RIOK1: variants seen among roughly 807,000 people sequenced by gnomAD.
The protein encoded by RIOK1 is RIO kinase 1.
A neutral mutation model predicts 73.5 loss-of-function variants in RIOK1; 66 were observed. That is an observed-to-expected ratio of 0.90 (90% CI 0.74 to 1.10). The LOEUF (loss-of-function observed/expected upper bound fraction) is 1.10, where lower values mean the gene tolerates loss of function less well. Ranked by LOEUF, RIOK1 falls within the 50% of genes least tolerant of loss-of-function variation. The pLI is 0.00. For synonymous variants in RIOK1, 224 were observed against 226.8 expected (o/e 0.99, Z 0.11); for missense variants, 658 against 699.8 (o/e 0.94, Z 0.67).
intron 12 of RIOK1, among the ~76,000 whole-genome samples, chr6:7,407,211 A>G (rs1761767733): frequency 6.6e-6 from 1 of 152,206 alleles, no homozygotes; most frequent in Non-Finnish European, 1.5e-5. Flanking sequence ...GGAACCCACC[A>G]TACTGTTTAC....
intron 1 of RIOK1, among the ~76,000 whole-genome samples, chr6:7,390,336 G>A (rs1761297965): frequency 2.6e-5 from 4 of 152,206 alleles, no homozygotes; most frequent in Admixed American, 2.6e-4. Flanking sequence ...TGGGGATAGC[G>A]ATTAGGAAAC....
chr6:7,415,659 G>A (rs959843277), intron 16 of RIOK1, among the ~76,000 whole-genome samples: 1 of 152,220 alleles, frequency 6.6e-6, no homozygotes, highest in African/African-American at 2.4e-5. Context: ...GAGCCTATAC[G>A]AAGGTTTCAA....
In RIOK1 at chr6:7,402,743, G is replaced by C. The variant is rs771561551; in HGVS notation, c.686+28G>C. The C allele has an allele frequency of 1.1e-5, 17 of 1,605,012 alleles. No homozygotes were observed. The South Asian group carries it at 1.9e-4, about 18-fold the overall frequency. On this transcript the variant is annotated intron_variant, in intron 7 of 16. Transcript: ENST00000379834. ...AAGTTCAGATTTTTCCCTCCAGTTG[G>C]TTTAATTTCTATTTCCTAAAACATT...
chr6:7,404,070 A>G (rs760923113), intron 9 of RIOK1, 43 bp downstream of exon 9: 1 of 1,326,484 alleles, frequency 7.5e-7, no homozygotes, highest in East Asian at 2.3e-5. Context: ...TCAGAACTGT[A>G]TTTTTAAGTT....
intron 9 of RIOK1, among the ~76,000 whole-genome samples, 187 bp from the exon 10 acceptor site, chr6:7,404,231 G>C (rs1369900735): frequency 6.6e-6 from 1 of 152,030 alleles, no homozygotes; most frequent in Non-Finnish European, 1.5e-5. Context: ...TGTGTTGGAG[G>C]GTGGTCTTAT....
At chr6:7,396,881 A>G (rs1347967742) in intron 4 of RIOK1, 109 bp downstream of exon 4, 2 of 599,678 alleles carry the variant, frequency 3.3e-6, no homozygotes, top group East Asian at 3.1e-5. Flanking sequence ...ACTTAAACCA[A>G]TCATTATTTT....
intron 12 of RIOK1, 80 bp downstream of exon 12, chr6:7,405,435 AG>A: frequency 1.2e-6 from 1 of 840,476 alleles, no homozygotes; most frequent in South Asian, 1.6e-5. Flanking sequence ...TGGGACCAGA[AG>A]TGTTTTGGAT....
chr6:7,397,433 T>G (rs1258196864), intron 4 of RIOK1, among the ~76,000 whole-genome samples: 4 of 152,248 alleles, frequency 2.6e-5, no homozygotes, highest in Admixed American at 6.5e-5. Flanking sequence ...GAATTATTCT[T>G]TCCCATGAAG....
chr6:7,404,317 A>G, intron 9 of RIOK1, 101 bp from the exon 10 acceptor site: 1 of 1,340,364 alleles, frequency 7.5e-7, no homozygotes, highest in Non-Finnish European at 1.0e-6. Context: ...TCCCACATAC[A>G]GCTCACATGA....
At position 7,390,041 on chromosome 6, in the gene RIOK1, C is replaced by A. The variant is rs1366148178; in HGVS notation, c.39C>A (p.Pro13=). The change falls in exon 1 of 17, where the codon CCC becomes CCA. Residue 13 remains proline, a synonymous_variant. Coordinates refer to ENST00000379834, the MANE Select transcript of RIOK1 (RefSeq NM_031480.3). ...YRRLLMSRVV[P]GQFDDADSSD... ...GGCTTCTCATGAGCCGGGTGGTCCC[C>A]GGGCAATTCGACGACGCGGACTCCT... 1 of 1,558,940 alleles carries A rather than the reference C, an allele frequency of 6.4e-7. No homozygotes were observed. The highest frequency in any genetic ancestry group is 1.9e-5 in the Admixed American group (1 of 53,084).
chr6:7,417,396 G>C lies in RIOK1; in HGVS notation c.1662G>C (p.Val554=). Residue 554 remains valine (V), a synonymous_variant, in exon 17 of 17, where the codon GTG becomes GTC. Coordinates refer to ENST00000379834, the MANE Select transcript of RIOK1 (RefSeq NM_031480.3). ...EKRKNKIPKH[V]KKRKEKTAKT... is the part of the protein sequence containing the mutation. The stretch of plus-strand genomic sequence containing the variant: ...GAAAAAACAAAATTCCTAAACATGT[G>C]AAAAAAAGAAAGGAGAAGACAGCCA... 1 of 1,566,166 alleles carries C rather than the reference G, an allele frequency of 6.4e-7. No individual in the cohort carries two copies. The highest frequency in any genetic ancestry group is 8.7e-7 in the Non-Finnish European group (1 of 1,155,010).
At chr6:7,414,169 C>A in intron 15 of RIOK1, 69 bp from the exon 16 acceptor site, 1 of 1,429,580 alleles carries the variant, frequency 7.0e-7, no homozygotes, top group South Asian at 1.4e-5. Context: ...GGCATTAACA[C>A]ATTTAACAAC....
At position 7,402,970 on chromosome 6, in the gene RIOK1, C is replaced by G. The variant is rs981540495; in HGVS notation, c.767+73C>G. 5.7e-6 allele frequency: 8 copies of G among 1,392,974 alleles called. No individual in the cohort carries two copies. The African/African-American group carries it at 7.2e-5, about 13-fold the overall frequency. 86.3% of individuals were successfully genotyped at this position (1,392,974 alleles called of 1,614,324 possible). On this transcript the variant is annotated intron_variant, in intron 8 of 16. Coordinates refer to ENST00000379834, the MANE Select transcript of RIOK1 (RefSeq NM_031480.3). Reference sequence around the variant, plus strand: ...ACATCAGCCCTTCCTCCCAGCAGATCCCAGTGTGGTTCTGCCCAAATGTAG... The same window carrying G: ...ACATCAGCCCTTCCTCCCAGCAGATGCCAGTGTGGTTCTGCCCAAATGTAG...
intron 16 of RIOK1, among the ~76,000 whole-genome samples, chr6:7,415,741 C>G (rs899922888): frequency 6.6e-6 from 1 of 152,136 alleles, no homozygotes; most frequent in Non-Finnish European, 1.5e-5. Context: ...TACACAGATT[C>G]AGGAATAGGT....
At position 7,404,961 on chromosome 6, in the gene RIOK1, G is replaced by A. The variant is rs756349877; in HGVS notation, c.1036G>A (p.Val346Met). Residue 346 changes from valine (V) to methionine (M), a missense_variant, in exon 11 of 17, where the codon GTG (valine) becomes ATG (methionine). Physicochemically the swap from Val to Met is conservative, Grantham distance 21. Transcript: ENST00000379834. The part of the protein sequence containing the change: ...GVYIIDVSQS[V>M]EHDHPHALEF... The stretch of plus-strand genomic sequence containing the variant: ...GTATATCATTGACGTGTCTCAGTCC[G>A]TGGAGCACGACCACCCACATGCCTT... 8.1e-6 allele frequency: 13 copies of A among 1,614,030 alleles called. No homozygotes were observed. Among genetic ancestry groups the A allele is most frequent in the African/African-American group, 1.3e-5 (1 of 74,952 alleles).
At chr6:7,397,904 G>A (rs1446089540) in intron 4 of RIOK1, among the ~76,000 whole-genome samples, 2 of 152,212 alleles carry the variant, frequency 1.3e-5, no homozygotes, top group African/African-American at 4.8e-5. Flanking sequence ...CACTTTGGGA[G>A]GCAGAGGCGG....
rs1267658738 is a variant in RIOK1 at position 7,417,716 on chromosome 6, T to TC, written c.*276dup. On this transcript the variant is annotated 3_prime_UTR_variant, in exon 17 of 17. Transcript: ENST00000379834. ...GTACATTTTTATTTTTATATTTTTT[T>TC]CTCTTACAAATATGTTTTTGGAAGC... 9.8e-6 allele frequency: 2 copies of TC among 204,736 alleles called. No individual in the cohort carries two copies. The highest frequency in any genetic ancestry group is 4.6e-5 in the African/African-American group (2 of 43,252). 12.7% of individuals were successfully genotyped at this position (204,736 alleles called of 1,614,324 possible).
chr6:7,402,323 A>G (rs1267103257), intron 6 of RIOK1, among the ~76,000 whole-genome samples: 1 of 152,240 alleles, frequency 6.6e-6, no homozygotes, highest in African/African-American at 2.4e-5. Flanking sequence ...GTACAGTAAA[A>G]ATACCTGTTA....
At chr6:7,400,679 A>G (rs377607024) in intron 5 of RIOK1, among the ~76,000 whole-genome samples, 2 of 152,234 alleles carry the variant, frequency 1.3e-5, no homozygotes, top group East Asian at 1.9e-4. Context: ...TCTATTAGCT[A>G]ATAGCCTAGA....
Sources: allele counts gnomAD v4.1 joint callset (sites outside exome capture counted in the v4.1 genomes callset), GRCh38; gene constraint gnomAD v4.1.1; transcripts MANE v1.5; gene names NCBI Gene and HGNC (gene_info 2026-07-23, HGNC 2026-07-21).